The following FAM184B variants were observed in gnomAD, a reference collection of about 807,000 sequenced individuals.
FAM184B encodes the protein family with sequence similarity 184 member B.
Under a neutral mutation model 135.9 loss-of-function variants are expected in FAM184B, and 111 were observed. The observed-to-expected ratio is 0.82, with a 90% CI of 0.70 to 0.96. The LOEUF (loss-of-function observed/expected upper bound fraction) is 0.96. FAM184B is among the 40% of genes least tolerant of loss of function. The probability of loss-of-function intolerance (pLI) is 0.00; values close to 1 mark genes in which losing one functional copy is unlikely to be tolerated. For synonymous variants in FAM184B, 552 were observed against 524.8 expected, an observed-to-expected ratio of 1.05 and a Z score of -0.71; for missense variants, 1,375 against 1,323.9, an observed-to-expected ratio of 1.04 and a Z score of -0.60.
At chr4:17,672,395 G>T (rs1308113643) in intron 7 of FAM184B, among the ~76,000 whole-genome samples, 1 of 152,152 alleles carries the variant, frequency 6.6e-6, no homozygotes, top group Non-Finnish European at 1.5e-5. Context: ...AGGACTTCTA[G>T]TACTACGTTG....
At chr4:17,772,839 C>G (rs57538267) in intron 1 of FAM184B, among the ~76,000 whole-genome samples, 2,144 of 152,334 alleles carry the variant, frequency 0.014, 58 homozygotes, top group African/African-American at 0.049. Context: ...GCCAGGTGCA[C>G]CTACCCCTGT....
intron 1 of FAM184B, among the ~76,000 whole-genome samples, chr4:17,763,426 A>G (rs536471046): frequency 7.9e-5 from 12 of 152,188 alleles, no homozygotes; most frequent in Admixed American, 7.9e-4. Flanking sequence ...ACACAGGCAC[A>G]TGCACCTGTA....
rs58666074 is a variant in FAM184B, at chr4:17,657,655, C to CTTTTTT, written c.2037+689_2037+694dup. On this transcript the variant is annotated intron_variant, in intron 10 of 17. Coordinates refer to ENST00000265018, the MANE Select transcript of FAM184B (RefSeq NM_015688.2). Reference sequence around the variant, plus strand: ...GAAAGGTCTTTGTGGCTGAGCTGTTCTTTTTTTTTTTTTTTTTTTGAGACA... The same window carrying CTTTTTT: ...GAAAGGTCTTTGTGGCTGAGCTGTTCTTTTTTTTTTTTTTTTTTTTTTTTTGAGACA... Among the ~76,000 whole-genome samples the CTTTTTT allele has an allele frequency of 1.2e-3, 132 of 114,390 alleles. 5 individuals carry two copies. Among genetic ancestry groups the CTTTTTT allele is most frequent in the East Asian group, 2.3e-3 (9 of 3,856 alleles). The allele number at this position is 114,390 out of a possible 152,430, so 75.0% of individuals were successfully genotyped here.
At chr4:17,644,076 G>A (rs895205189) in intron 12 of FAM184B, among the ~76,000 whole-genome samples, 13 of 152,224 alleles carry the variant, frequency 8.5e-5, no homozygotes, top group African/African-American at 3.1e-4. Context: ...AGGAGGAGTG[G>A]CACAGGCGAA....
intron 6 of FAM184B, 87 bp downstream of exon 6, chr4:17,693,215 C>T (rs143170804): frequency 5.0e-6 from 5 of 996,518 alleles, no homozygotes; most frequent in African/African-American, 4.9e-5. Context: ...CCTTTTCTGT[C>T]TTCCAAAATT....
At position 17,716,246 on chromosome 4, in the gene FAM184B, A is replaced by T. The variant is rs1174159983; in HGVS notation, c.142-6602T>A. Among the ~76,000 whole-genome samples, 3 of 151,970 alleles carry T rather than the reference A, an allele frequency of 2.0e-5. No homozygotes were observed. The East Asian group carries it at 5.8e-4, about 29-fold the overall frequency. On this transcript the variant is annotated intron_variant, in intron 1 of 17. Transcript: ENST00000265018. ...GGACTGCTCCCCAGGACATGTACTT[A>T]CTCTTACCACATCCTCTCTTTTCTC...
intron 1 of FAM184B, among the ~76,000 whole-genome samples, chr4:17,780,251 T>C (rs932795055): frequency 5.9e-5 from 9 of 152,138 alleles, no homozygotes; most frequent in African/African-American, 2.2e-4. Flanking sequence ...GAGAGCATGT[T>C]CCAGACGCTA....
chr4:17,658,416 G>T lies in FAM184B; in HGVS notation c.1971C>A (p.Ala657=). 6.4e-7 allele frequency: 1 copy of T among 1,551,630 alleles called. No homozygotes were observed. Reference sequence around the variant, plus strand: ...CTCTCTGGTGGGAAGCCTCGAGCTGGGCTTTCATGGCGTGGTTCTGCTGAG... The same window carrying T: ...CTCTCTGGTGGGAAGCCTCGAGCTGTGCTTTCATGGCGTGGTTCTGCTGAG... The part of the protein sequence containing the change: ...ETTQQNHAMK[A]QLEASHQRAL... The change falls in exon 10 of 18, where the codon GCC becomes GCA. Residue 657 remains alanine (A), a synonymous_variant. Transcript: ENST00000265018.
At chr4:17,740,488 G>C (rs1718009504) in intron 1 of FAM184B, among the ~76,000 whole-genome samples, 1 of 152,012 alleles carries the variant, frequency 6.6e-6, no homozygotes, top group African/African-American at 2.4e-5. Context: ...CGTAATTCAG[G>C]AAGTACTTTG....
chr4:17,646,862 T>A (rs953036206), intron 12 of FAM184B, among the ~76,000 whole-genome samples: 9 of 151,926 alleles, frequency 5.9e-5, no homozygotes, highest in African/African-American at 2.2e-4. Context: ...GAATGATGGA[T>A]GTGCAGGGAA....
chr4:17,781,115 C>T lies in FAM184B; in HGVS notation c.141+44G>A, dbSNP rs554458093. The T allele has an allele frequency of 6.8e-7, 1 of 1,465,732 alleles. No homozygotes were observed. Among genetic ancestry groups the T allele is most frequent in the East Asian group, 2.7e-5 (1 of 37,040 alleles). 90.8% of individuals were successfully genotyped at this position (1,465,732 alleles called of 1,614,324 possible). The stretch of plus-strand genomic sequence containing the variant: ...CATCCGCACTGACTCCCGGCTCGGG[C>T]GCCCCGGGCGTGCAGCTCGCTGGCC... On this transcript the variant is annotated intron_variant, in intron 1 of 17. Transcript: ENST00000265018. This position sits in a 1 kb window ranked among gnomAD's most constrained non-coding sequence, Gnocchi z 6.5.
At chr4:17,708,097 T>C (rs1385993362) in intron 2 of FAM184B, among the ~76,000 whole-genome samples, 1 of 152,166 alleles carries the variant, frequency 6.6e-6, no homozygotes, top group Non-Finnish European at 1.5e-5. Flanking sequence ...ATGATCCTGC[T>C]CTCTATAAAC....
At chr4:17,683,439 A>G (rs1485566856) in intron 7 of FAM184B, among the ~76,000 whole-genome samples, 2 of 152,204 alleles carry the variant, frequency 1.3e-5, no homozygotes, top group African/African-American at 2.4e-5. Context: ...AGTAGATACT[A>G]TCATTATCCT....
chr4:17,729,731 A>C (rs1717731269), intron 1 of FAM184B, among the ~76,000 whole-genome samples: 1 of 152,246 alleles, frequency 6.6e-6, no homozygotes, highest in Non-Finnish European at 1.5e-5. Context: ...AAACTAACAA[A>C]CAGAAAGGAC....
At chr4:17,742,168 A>ATTTTTT (rs869228150) in intron 1 of FAM184B, among the ~76,000 whole-genome samples, 9 of 109,304 alleles carry the variant, frequency 8.2e-5, no homozygotes, top group African/African-American at 3.9e-4. Flanking sequence ...ATATATATAT[A>ATTTTTT]TTTTTTTTTT....
chr4:17,688,599 C>A, intron 6 of FAM184B, 68 bp from the exon 7 acceptor site: 1 of 1,202,426 alleles, frequency 8.3e-7, no homozygotes, highest in South Asian at 1.4e-5. Context: ...AGTCATTCAT[C>A]CGGGAATCAA....
At chr4:17,731,305 A>G (rs977552011) in intron 1 of FAM184B, among the ~76,000 whole-genome samples, 1 of 152,238 alleles carries the variant, frequency 6.6e-6, no homozygotes, top group African/African-American at 2.4e-5. Flanking sequence ...TCATAATGAC[A>G]GGACTAAATA....
intron 1 of FAM184B, among the ~76,000 whole-genome samples, chr4:17,754,188 T>C (rs1253040989): frequency 6.6e-6 from 1 of 152,160 alleles, no homozygotes; most frequent in African/African-American, 2.4e-5. Context: ...CTATTTACAA[T>C]AGCAGCAAAC....
intron 1 of FAM184B, among the ~76,000 whole-genome samples, chr4:17,738,107 C>T (rs1015796152): frequency 1.3e-5 from 2 of 152,152 alleles, no homozygotes; most frequent in African/African-American, 4.8e-5. Context: ...GATGATAGAA[C>T]TCCATCCCTC....
Sources: allele counts gnomAD v4.1 joint callset (sites outside exome capture counted in the v4.1 genomes callset), GRCh38; gene constraint gnomAD v4.1.1; non-coding constraint Gnocchi (gnomAD v3.1); transcripts MANE v1.5; gene names NCBI Gene and HGNC (gene_info 2026-07-23, HGNC 2026-07-21).